PKD1L1: variants seen among roughly 807,000 people sequenced by gnomAD.
PKD1L1 encodes polycystin 1 like 1, transient receptor potential channel interacting, also known as polycystin-1-like protein 1.
Under a neutral mutation model 323.4 loss-of-function variants are expected in PKD1L1, and 236 were observed. The observed-to-expected ratio is 0.73, with a 90% CI of 0.66 to 0.81. The LOEUF is 0.81. Ranked by LOEUF, PKD1L1 falls within the 40% of genes least tolerant of loss-of-function variation. PKD1L1 has a pLI of 0.00. For missense variants in PKD1L1, 3,320 were observed against 3,508.0 expected (o/e 0.95, Z 1.35); for synonymous variants, 1,344 against 1,335.0 (o/e 1.01, Z -0.15).
At chr7:47,805,086 TACACACACACACAC>T (rs59085691) in intron 52 of PKD1L1, among the ~76,000 whole-genome samples, 4 of 150,182 alleles carry the variant, frequency 2.7e-5, no homozygotes, top group Admixed American at 2.0e-4. Flanking sequence ...CCTGTACAAA[TACACACACACACAC>T]ACACACACAC....
At chr7:47,880,340 G>A (rs1786523738) in intron 21 of PKD1L1, among the ~76,000 whole-genome samples, 1 of 125,812 alleles carries the variant, frequency 7.9e-6, no homozygotes. Context: ...GGAGTTCAGT[G>A]GCGCGATCTT....
intron 47 of PKD1L1, 113 bp downstream of exon 47, chr7:47,815,221 A>G: frequency 1.4e-6 from 2 of 1,398,572 alleles, no homozygotes; most frequent in Non-Finnish European, 1.9e-6. Flanking sequence ...TTACACCTGC[A>G]TGGTCATTCA....
intron 49 of PKD1L1, 96 bp from the exon 50 acceptor site, chr7:47,812,147 CTA>C (rs1361868775): frequency 1.0e-6 from 1 of 996,016 alleles, no homozygotes; most frequent in African/African-American, 1.6e-5. Flanking sequence ...TGGGAACACC[CTA>C]TGCTAGACTT....
chr7:47,934,593 C>T (rs1562997230), intron 4 of PKD1L1, among the ~76,000 whole-genome samples: 1 of 152,156 alleles, frequency 6.6e-6, no homozygotes, highest in African/African-American at 2.4e-5. Context: ...AAAACAACAA[C>T]AACAAACCTG....
intron 31 of PKD1L1, among the ~76,000 whole-genome samples, chr7:47,851,960 AT>A (rs990992957): frequency 2.6e-5 from 4 of 152,236 alleles, no homozygotes; most frequent in African/African-American, 9.6e-5. Flanking sequence ...TATAGAAGGC[AT>A]TTGGGGGGAT....
intron 56 of PKD1L1, among the ~76,000 whole-genome samples, chr7:47,785,111 T>A (rs1018188513): frequency 2.0e-5 from 3 of 152,160 alleles, no homozygotes; most frequent in Non-Finnish European, 4.4e-5. Flanking sequence ...AATATACTGG[T>A]CCTTAACATG....
chr7:47,871,670 A>C (rs1402949282), intron 24 of PKD1L1, among the ~76,000 whole-genome samples: 4 of 150,890 alleles, frequency 2.7e-5, no homozygotes, highest in African/African-American at 9.8e-5. Flanking sequence ...GGGACAAAAA[A>C]CATATAATTG....
Position 47,811,912 on chromosome 7 carries a change from G to A in PKD1L1, c.7486C>T (p.Leu2496Phe). 1 of 1,610,258 alleles carries A rather than the reference G, an allele frequency of 6.2e-7. No homozygotes were observed. The highest frequency in any genetic ancestry group is 8.5e-7 in the Non-Finnish European group (1 of 1,178,496). Residue 2496 changes from leucine to phenylalanine, a missense_variant, in exon 50 of 57, where the codon CTC becomes TTC. Leu to Phe is a conservative substitution (Grantham distance 22). Coordinates refer to ENST00000289672, the MANE Select transcript of PKD1L1 (RefSeq NM_138295.5). The stretch of plus-strand genomic sequence containing the variant: ...GAGGGGACGAGACTCCCCGTAGGGA[G>A]GATCTCCACTCTCAGGGACACGCTG... ...FTSVSLRVEI[L>F]PTGSLVPSSL...
intron 2 of PKD1L1, among the ~76,000 whole-genome samples, chr7:47,941,519 G>A (rs1313802286): frequency 6.6e-6 from 1 of 152,206 alleles, no homozygotes; most frequent in African/African-American, 2.4e-5. Context: ...ACTATTTACT[G>A]TCAAGAGTCC....
the PKD1L1 span, among the ~76,000 whole-genome samples, chr7:47,958,843 C>T: frequency 6.6e-6 from 1 of 151,864 alleles, no homozygotes; most frequent in African/African-American, 2.4e-5. Context: ...CCCTCTCCCT[C>T]TCTTTCCACG....
intron 15 of PKD1L1, among the ~76,000 whole-genome samples, chr7:47,892,229 A>T (rs545536548): frequency 6.6e-6 from 1 of 152,258 alleles, no homozygotes; most frequent in Admixed American, 6.5e-5. Context: ...TGGGAAGGTG[A>T]TATTTGAGCA....
chr7:47,853,766 C>CAAA (rs58842095), intron 30 of PKD1L1, among the ~76,000 whole-genome samples: 2 of 108,194 alleles, frequency 1.8e-5, no homozygotes, highest in African/African-American at 3.7e-5. Flanking sequence ...ACAAACAAAC[C>CAAA]AAAAAAAAAA....
At chr7:47,905,985 T>C (rs755860522) in intron 9 of PKD1L1, 23 bp from the exon 10 acceptor site, 22 of 1,561,750 alleles carry the variant, frequency 1.4e-5, no homozygotes, top group Non-Finnish European at 1.9e-5. Flanking sequence ...AAAAAGGAGA[T>C]AAGAGAAAAA....
chr7:47,815,018 C>T (rs1562943256), intron 47 of PKD1L1, among the ~76,000 whole-genome samples: 1 of 152,156 alleles, frequency 6.6e-6, no homozygotes, highest in Non-Finnish European at 1.5e-5. Flanking sequence ...TCTTCCATTT[C>T]CTGACCTCCC....
Position 47,880,808 on chromosome 7 carries a change from G to A in PKD1L1, c.3443-3C>T. 2 of 1,596,876 alleles carry A rather than the reference G, an allele frequency of 1.3e-6. No individual in the cohort carries two copies. Among genetic ancestry groups the A allele is most frequent in the East Asian group, 2.3e-5 (1 of 43,664 alleles). On this transcript the variant is annotated splice_polypyrimidine_tract_variant and splice_region_variant and intron_variant, in intron 20 of 56. Coordinates refer to ENST00000289672, the MANE Select transcript of PKD1L1 (RefSeq NM_138295.5). The stretch of plus-strand genomic sequence containing the variant: ...TGTCACTGTCTGTTCTGTAATACCT[G>A]CAGAAAAGACATGGCTGCATGGAAA...
chr7:47,867,984 T>C (rs1786202612), intron 24 of PKD1L1, among the ~76,000 whole-genome samples: 2 of 152,234 alleles, frequency 1.3e-5, no homozygotes, highest in African/African-American at 4.8e-5. Flanking sequence ...GAATTATCTT[T>C]TTCTCTCTTC....
rs761668663 is a variant in PKD1L1, at chr7:47,904,457, TGCC to T, written c.1849_1851del (p.Gly617del). 1.2e-6 allele frequency: 2 copies of T among 1,614,174 alleles called. No homozygotes were observed. Among genetic ancestry groups the T allele is most frequent in the Non-Finnish European group, 1.7e-6 (2 of 1,180,030 alleles). On this transcript the variant is annotated inframe_deletion, in exon 12 of 57. Transcript: ENST00000289672. Reference sequence around the variant, plus strand: ...AAGTCCCACAGGTAGGCAACATCTGTGCCGAAGTTGATCCAGCACTCAAAGGCC... The same window carrying T: ...AAGTCCCACAGGTAGGCAACATCTGTGAAGTTGATCCAGCACTCAAAGGCC...
At chr7:47,913,516 C>G (rs1787366064) in intron 8 of PKD1L1, among the ~76,000 whole-genome samples, 1 of 152,052 alleles carries the variant, frequency 6.6e-6, no homozygotes. Flanking sequence ...GGTTTAGTGT[C>G]ACCCCCAATC....
At chr7:47,806,206 C>T (rs968966689) in intron 52 of PKD1L1, among the ~76,000 whole-genome samples, 3 of 152,170 alleles carry the variant, frequency 2.0e-5, no homozygotes, top group Non-Finnish European at 4.4e-5. Context: ...TCTAGAAAAC[C>T]TCCCCTGTCC....
Sources: allele counts gnomAD v4.1 joint callset (sites outside exome capture counted in the v4.1 genomes callset), GRCh38; gene constraint gnomAD v4.1.1; transcripts MANE v1.5; gene names NCBI Gene and HGNC (gene_info 2026-07-23, HGNC 2026-07-21).